CD209: variants seen among roughly 807,000 people sequenced by gnomAD.
The protein encoded by CD209 is CD209 molecule, also known as CD209 antigen.
Under a neutral mutation model 44.7 loss-of-function variants are expected in CD209, and 31 were observed. The ratio of observed to expected loss-of-function variants is 0.69; its 90% CI spans 0.52 to 0.94. The LOEUF is 0.94. Among genes scored for constraint, CD209 ranks in the 40% least tolerant of loss-of-function variants. CD209 has a pLI of 0.00. For synonymous variants in CD209, 173 were observed against 181.3 expected (o/e 0.95, Z 0.37); for missense variants, 407 against 452.4 (o/e 0.90, Z 0.91).
rs183638737 is a variant in CD209 at position 7,740,914 on chromosome 19, C to T, written c.*2125G>A. 2.1e-5 allele frequency: 15 copies of T among 730,448 alleles called. No homozygotes were observed. Among genetic ancestry groups the T allele is most frequent in the South Asian group, 3.0e-5 (2 of 66,692 alleles). The allele number at this position is 730,448 out of a possible 1,614,324, so 45.2% of individuals were successfully genotyped here. A position where few individuals can be genotyped will look rare whatever the true frequency, so the allele number is the denominator to read the frequency against. The stretch of plus-strand genomic sequence containing the variant: ...GCCACATGGCAAAACCCGGAACCCC[C>T]CCTTGGATTTCAGAGTCATGGAGAA... On this transcript the variant is annotated 3_prime_UTR_variant, in exon 7 of 7. Transcript: ENST00000315599.
chr19:7,743,591 C>T (rs2033690580), intron 6 of CD209, among the ~76,000 whole-genome samples: 2 of 152,184 alleles, frequency 1.3e-5, no homozygotes, highest in Admixed American at 1.3e-4. Context: ...GGGGCAGCCC[C>T]TGTGCCCCAG....
At chr19:7,746,261 A>G (rs1453663687) in intron 3 of CD209, among the ~76,000 whole-genome samples, 174 bp from the exon 4 acceptor site, 6 of 151,954 alleles carry the variant, frequency 3.9e-5, no homozygotes, top group Admixed American at 3.3e-4. Context: ...GGAGAGCCAG[A>G]TTCTTCCTGT....
intron 6 of CD209, among the ~76,000 whole-genome samples, chr19:7,743,855 C>T (rs1235939143): frequency 1.3e-5 from 2 of 151,696 alleles, no homozygotes; most frequent in East Asian, 3.8e-4. Flanking sequence ...GGACCTCAGA[C>T]TTCCTATTAA....
Position 7,747,360 on chromosome 19 carries a change from C to G in CD209, c.52G>C (p.Glu18Gln), listed in dbSNP as rs759390544. The G allele has an allele frequency of 6.2e-7, 1 of 1,614,118 alleles. No homozygotes were observed. The highest frequency in any genetic ancestry group is 1.7e-5 in the Admixed American group (1 of 60,002). The change falls in exon 2 of 7, where the codon GAA becomes CAA. Residue 18 changes from glutamate (E) to glutamine (Q), a missense_variant. Physicochemically the swap from Glu to Gln is conservative, Grantham distance 29 (BLOSUM62 2). Transcript: ENST00000315599. ...CGGAATCCAAGGCCTCTCAGCTGTT[C>G]CTCCTCTGAATGGATAGACGTGAAA... Reference protein sequence around the residue: ...RLQQLGLLEEEQLRGLGFRQT... With the variant: ...RLQQLGLLEEQQLRGLGFRQT...
In CD209 at chr19:7,740,306, G is replaced by C. The variant is rs190036112; in HGVS notation, c.*2733C>G. On this transcript the variant is annotated 3_prime_UTR_variant, in exon 7 of 7. Transcript: ENST00000315599. ...GTTCATCTGGACATGCCCAGGGTAT[G>C]TAACTTGCAACCTGGGGGTCCACGA... 6 of 488,786 alleles carry C rather than the reference G, an allele frequency of 1.2e-5. No homozygotes were observed. Among genetic ancestry groups the C allele is most frequent in the African/African-American group, 5.9e-5 (3 of 50,718 alleles). 30.3% of individuals were successfully genotyped at this position (488,786 alleles called of 1,614,324 possible). A position where few individuals can be genotyped will look rare whatever the true frequency, so the allele number is the denominator to read the frequency against.
chr19:7,742,956 C>A lies in CD209; in HGVS notation c.*83G>T. ...CCCAGCCTTCTAAAGGAGGAAGAAT[C>A]TGACAAAGAACAGTCCCAGAGATTT... On this transcript the variant is annotated 3_prime_UTR_variant, in exon 7 of 7. Coordinates refer to ENST00000315599, the MANE Select transcript of CD209 (RefSeq NM_021155.4). 1.8e-6 allele frequency: 2 copies of A among 1,116,226 alleles called. No homozygotes were observed. Among genetic ancestry groups the A allele is most frequent in the Non-Finnish European group, 2.7e-6 (2 of 742,816 alleles). The allele number at this position is 1,116,226 out of a possible 1,614,324, so 69.1% of individuals were successfully genotyped here. A position where few individuals can be genotyped will look rare whatever the true frequency, so the allele number is the denominator to read the frequency against.
chr19:7,741,097 G>T lies in CD209; in HGVS notation c.*1942C>A. On this transcript the variant is annotated 3_prime_UTR_variant, in exon 7 of 7. Coordinates refer to ENST00000315599, the MANE Select transcript of CD209 (RefSeq NM_021155.4). The stretch of plus-strand genomic sequence containing the variant: ...GTGCAGGAGGGATGACTATGACTCC[G>T]AAGCAAGCCTGGAGTACAGCGAGGA... The T allele has an allele frequency of 9.9e-7, 1 of 1,008,244 alleles. No homozygotes were observed. Among genetic ancestry groups the T allele is most frequent in the Non-Finnish European group, 1.5e-6 (1 of 655,288 alleles). The allele number at this position is 1,008,244 out of a possible 1,614,324, so 62.5% of individuals were successfully genotyped here. A position where few individuals can be genotyped will look rare whatever the true frequency, so the allele number is the denominator to read the frequency against.
Position 7,744,094 on chromosome 19 carries a change from T to C in CD209, c.1013+13A>G. On this transcript the variant is annotated intron_variant, in intron 6 of 6. Transcript: ENST00000315599. ...CCAGCCCCAGTGGATAGGGTGCCCC[T>C]TCTGAGATCTACCTGGGCAACAGAG... 1 of 1,598,154 alleles carries C rather than the reference T, an allele frequency of 6.3e-7. No homozygotes were observed. The highest frequency in any genetic ancestry group is 2.2e-5 in the East Asian group (1 of 44,792).
At position 7,747,478 on chromosome 19, in the gene CD209, G is replaced by C. The variant is rs770394774; in HGVS notation, c.34C>G (p.Leu12Val). Reference sequence around the variant, plus strand: ...AACCCAGCCTCACCCAGGAGGCCCAGCTGCTGCAGTCTTGGTTCCTTGGAG... The same window carrying C: ...AACCCAGCCTCACCCAGGAGGCCCACCTGCTGCAGTCTTGGTTCCTTGGAG... ...SDSKEPRLQQ[L>V]GLLEEEQLRG... The change falls in exon 1 of 7, where the codon CTG (leucine) becomes GTG (valine). Residue 12 changes from leucine (L) to valine (V), a missense_variant. Coordinates refer to ENST00000315599, the MANE Select transcript of CD209 (RefSeq NM_021155.4). 8 of 1,614,070 alleles carry C rather than the reference G, an allele frequency of 5.0e-6. No individual in the cohort carries two copies. The highest frequency in any genetic ancestry group is 8.5e-7 in the Non-Finnish European group (1 of 1,180,038).
Position 7,740,464 on chromosome 19 carries a change from C to T in CD209, c.*2575G>A, listed in dbSNP as rs11465419. On this transcript the variant is annotated 3_prime_UTR_variant, in exon 7 of 7. Coordinates refer to ENST00000315599, the MANE Select transcript of CD209 (RefSeq NM_021155.4). ...CGGGGCGGTGCCGGCAAGATGGCTG[C>T]GCCCGAAAAGGTGACATTTCCAGAG... is the stretch of plus-strand genomic sequence containing the variant. The T allele has an allele frequency of 5.2e-4, 416 of 803,068 alleles. No homozygotes were observed. Among genetic ancestry groups the T allele is most frequent in the African/African-American group, 4.9e-3 (287 of 58,744 alleles). The allele number at this position is 803,068 out of a possible 1,614,324, so 49.7% of individuals were successfully genotyped here.
rs759632613 is a variant in CD209, at chr19:7,745,878, G to T, written c.388C>A (p.Leu130Met). ...LQEIYQELTR[L>M]KAAVGELPEK... is the part of the protein sequence containing the mutation. ...GGAAGCTCACCCACTGCAGCCTTCA[G>T]CCGGGTCAGCTCCTGGTAGATCTCC... Residue 130 changes from leucine (L) to methionine (M), a missense_variant, in exon 4 of 7, where the codon CTG (leucine) becomes ATG (methionine). By Grantham distance (15) the Leu-to-Met change is conservative (BLOSUM62 2). Coordinates refer to ENST00000315599, the MANE Select transcript of CD209 (RefSeq NM_021155.4). 9 of 1,613,338 alleles carry T rather than the reference G, an allele frequency of 5.6e-6. No homozygotes were observed. The South Asian group carries it at 9.9e-5, about 18-fold the overall frequency.
Position 7,745,743 on chromosome 19 carries a change from G to A in CD209, c.523C>T (p.Arg175Trp), listed in dbSNP as rs773840556. 34 of 1,603,298 alleles carry A rather than the reference G, an allele frequency of 2.1e-5. No individual in the cohort carries two copies. The highest frequency in any genetic ancestry group is 8.1e-5 in the African/African-American group (6 of 74,234). ...AGCTCACCCACTGCAGCCTTCAGCCGAGTCAGCTCCTGGTAGATCTCCTGC... is the reference window on the plus strand; with the variant it reads ...AGCTCACCCACTGCAGCCTTCAGCCAAGTCAGCTCCTGGTAGATCTCCTGC... Reference protein sequence around the residue: ...KMQEIYQELTRLKAAVGELPE... With the variant: ...KMQEIYQELTWLKAAVGELPE... Residue 175 changes from arginine (R) to tryptophan (W), a missense_variant, in exon 4 of 7, where the codon CGG becomes TGG. Arg to Trp is a moderately radical substitution (Grantham distance 101, BLOSUM62 -3). Transcript: ENST00000315599.
rs2033564941 is a variant in CD209 at position 7,740,163 on chromosome 19, G to A, written c.*2876C>T. On this transcript the variant is annotated 3_prime_UTR_variant, in exon 7 of 7. Coordinates refer to ENST00000315599, the MANE Select transcript of CD209 (RefSeq NM_021155.4). ...GGATTCAGGAGGCTTGATCTGACTG[G>A]ATCACGCCAGGGCTCAATCTGATTG... 1 of 236,784 alleles carries A rather than the reference G, an allele frequency of 4.2e-6. No individual in the cohort carries two copies. Among genetic ancestry groups the A allele is most frequent in the African/African-American group, 2.3e-5 (1 of 43,090 alleles). 14.7% of individuals were successfully genotyped at this position (236,784 alleles called of 1,614,324 possible).
chr19:7,743,787 C>T (rs1238356780), intron 6 of CD209, among the ~76,000 whole-genome samples: 1 of 152,188 alleles, frequency 6.6e-6, no homozygotes, highest in African/African-American at 2.4e-5. Flanking sequence ...CTCTAGGGAT[C>T]TGTGTATATG....
chr19:7,746,262 T>C (rs2033818790), intron 3 of CD209, among the ~76,000 whole-genome samples, 175 bp from the exon 4 acceptor site: 2 of 152,128 alleles, frequency 1.3e-5, no homozygotes, highest in Non-Finnish European at 2.9e-5. Context: ...GAGAGCCAGA[T>C]TCTTCCTGTC....
In CD209 at chr19:7,747,212, G is replaced by C. The variant is rs1474328588; in HGVS notation, c.106+94C>G. The C allele has an allele frequency of 7.6e-6, 10 of 1,307,846 alleles. No homozygotes were observed. The African/African-American group carries it at 1.3e-4, about 17-fold the overall frequency. The allele number at this position is 1,307,846 out of a possible 1,614,324, so 81.0% of individuals were successfully genotyped here. A position where few individuals can be genotyped will look rare whatever the true frequency, so the allele number is the denominator to read the frequency against. ...CAGGCCCCTAGCCCCACATCCCCAG[G>C]ACCCAAGAGTCCAGGCCCCAGCGTC... On this transcript the variant is annotated intron_variant, in intron 2 of 6. Transcript: ENST00000315599.
rs753594080 is a variant in CD209 at position 7,746,440 on chromosome 19, C to T, written c.178+20G>A. 8 of 1,613,538 alleles carry T rather than the reference C, an allele frequency of 5.0e-6. No homozygotes were observed. Among genetic ancestry groups the T allele is most frequent in the Admixed American group, 3.3e-5 (2 of 60,008 alleles). ...AAAGCCAGGCGTGGGGACCCCAGAC[C>T]CTCAGAACCTGCCCCTGACCTTGGA... On this transcript the variant is annotated intron_variant, in intron 3 of 6. Transcript: ENST00000315599.
chr19:7,741,327 G>A lies in CD209; in HGVS notation c.*1712C>T, dbSNP rs768293088. ...TCTACCAAAAATACAAGAATTAGCT[G>A]GGCGCAGTGGTGCACGCCCAGCTAA... On this transcript the variant is annotated 3_prime_UTR_variant, in exon 7 of 7. Transcript: ENST00000315599. The A allele has an allele frequency of 2.5e-5, 8 of 321,738 alleles. No individual in the cohort carries two copies. The East Asian group carries it at 4.9e-4, about 20-fold the overall frequency. The allele number at this position is 321,738 out of a possible 1,614,324, so 19.9% of individuals were successfully genotyped here. A position where few individuals can be genotyped will look rare whatever the true frequency, so the allele number is the denominator to read the frequency against.
chr19:7,744,893 G>C, intron 5 of CD209, 48 bp downstream of exon 5: 1 of 1,605,532 alleles, frequency 6.2e-7, no homozygotes, highest in Middle Eastern at 1.7e-4. Context: ...TCCCCAGTTG[G>C]CCAGAAGCCA....
Sources: allele counts gnomAD v4.1 joint callset (sites outside exome capture counted in the v4.1 genomes callset), GRCh38; gene constraint gnomAD v4.1.1; transcripts MANE v1.5; gene names NCBI Gene and HGNC (gene_info 2026-07-23, HGNC 2026-07-21).